Variants in MYO1D observed in about 807,000 individuals in gnomAD.
The protein encoded by MYO1D is myosin ID, also known as unconventional myosin-Id.
MYO1D carries 83 observed loss-of-function variants against 122.0 expected under a neutral mutation model. The observed-to-expected ratio is 0.68, with a 90% CI of 0.57 to 0.82. MYO1D has a LOEUF of 0.82. Among genes scored for constraint, MYO1D ranks in the 40% least tolerant of loss-of-function variants. The probability of loss-of-function intolerance (pLI) is 0.00; values close to 1 mark genes in which losing one functional copy is unlikely to be tolerated. For synonymous variants in MYO1D, 464 were observed against 446.9 expected, an observed-to-expected ratio of 1.04 and a Z score of -0.48; for missense variants, 1,157 against 1,269.5, an observed-to-expected ratio of 0.91 and a Z score of 1.35.
chr17:32,790,902 G>C (rs995723567), intron 1 of MYO1D, among the ~76,000 whole-genome samples: 1 of 152,144 alleles, frequency 6.6e-6, no homozygotes, highest in Non-Finnish European at 1.5e-5. Context: ...AAGGACTCAG[G>C]GCTCCTTGAA....
chr17:32,502,269 T>C (rs546667535), intron 21 of MYO1D, among the ~76,000 whole-genome samples: 25 of 152,200 alleles, frequency 1.6e-4, no homozygotes, highest in Admixed American at 5.9e-4. Context: ...AGATGAACCT[T>C]GAACCTTGAA....
intron 20 of MYO1D, among the ~76,000 whole-genome samples, chr17:32,609,631 A>C (rs762484205): frequency 3.9e-5 from 6 of 152,190 alleles, no homozygotes; most frequent in Non-Finnish European, 7.4e-5. Flanking sequence ...TGTTCTTTCC[A>C]TCACACCAGG....
chr17:32,853,128 G>A (rs759742249), intron 1 of MYO1D, among the ~76,000 whole-genome samples: 5 of 152,020 alleles, frequency 3.3e-5, no homozygotes, highest in South Asian at 2.1e-4. Context: ...CAGCACCATC[G>A]AAATCAAATA....
chr17:32,844,274 A>G (rs1254174447), intron 1 of MYO1D, among the ~76,000 whole-genome samples: 4 of 146,988 alleles, frequency 2.7e-5, no homozygotes, highest in Non-Finnish European at 6.0e-5. Flanking sequence ...TATATCATAT[A>G]TGATATATAT....
intron 21 of MYO1D, among the ~76,000 whole-genome samples, chr17:32,553,108 A>G (rs77412545): frequency 6.7e-6 from 1 of 148,844 alleles, no homozygotes; most frequent in Admixed American, 6.7e-5. Context: ...CAAAACAAAA[A>G]AAAAAACAAA....
At chr17:32,663,919 T>C (rs915556231) in intron 16 of MYO1D, among the ~76,000 whole-genome samples, 2 of 152,266 alleles carry the variant, frequency 1.3e-5, no homozygotes, top group African/African-American at 4.8e-5. Flanking sequence ...TTTTCTTTTT[T>C]TGGATGACAC....
chr17:32,662,834 T>C (rs763210354), intron 16 of MYO1D, among the ~76,000 whole-genome samples: 20 of 152,096 alleles, frequency 1.3e-4, no homozygotes, highest in Admixed American at 9.2e-4. Context: ...TGGTGAGTAG[T>C]CAGTGCCCAA....
rs5820002 is a variant in MYO1D at position 32,869,054 on chromosome 17, C to CA, written c.95+7723dup. ...CAAAACCCCATCTCTACTAAAAATA[C>CA]AAAAAAAAAAAAAAATTAGCTGGGA... is the stretch of plus-strand genomic sequence containing the variant. On this transcript the variant is annotated intron_variant, in intron 1 of 21. Transcript: ENST00000318217. Among the ~76,000 whole-genome samples the CA allele has an allele frequency of 4.8e-3, 678 of 140,642 alleles. 3 individuals are homozygous for CA. The highest frequency in any genetic ancestry group is 9.5e-3 in the Admixed American group (135 of 14,146). The allele number at this position is 140,642 out of a possible 152,430, so 92.3% of individuals were successfully genotyped here. A position where few individuals can be genotyped will look rare whatever the true frequency, so the allele number is the denominator to read the frequency against.
chr17:32,847,574 G>C (rs549333781), intron 1 of MYO1D, among the ~76,000 whole-genome samples: 85 of 152,296 alleles, frequency 5.6e-4, no homozygotes, highest in African/African-American at 1.9e-3. Context: ...GAGTGCAGTG[G>C]CACAATCTCA....
intron 16 of MYO1D, among the ~76,000 whole-genome samples, chr17:32,660,823 C>T (rs1056547546): frequency 6.6e-6 from 1 of 152,164 alleles, no homozygotes; most frequent in East Asian, 1.9e-4. Flanking sequence ...TACGCCTCCA[C>T]CCAAGTGCAA....
intron 19 of MYO1D, among the ~76,000 whole-genome samples, chr17:32,651,547 C>T (rs1014047364): frequency 6.6e-6 from 1 of 151,860 alleles, no homozygotes; most frequent in Non-Finnish European, 1.5e-5. Flanking sequence ...AATTGCAGGG[C>T]TCATCACCTC....
At chr17:32,800,957 G>A (rs375821546) in intron 1 of MYO1D, among the ~76,000 whole-genome samples, 2 of 151,880 alleles carry the variant, frequency 1.3e-5, no homozygotes, top group East Asian at 1.9e-4. Context: ...ACTCTGATTC[G>A]ACCAGTCCAC....
At chr17:32,791,795 G>T (rs1464554143) in intron 1 of MYO1D, among the ~76,000 whole-genome samples, 3 of 151,896 alleles carry the variant, frequency 2.0e-5, no homozygotes, top group Non-Finnish European at 2.9e-5. Flanking sequence ...TTTAGAATAG[G>T]CAAGATAGAC....
chr17:32,702,527 T>G (rs1218698232), intron 16 of MYO1D, among the ~76,000 whole-genome samples: 1 of 152,180 alleles, frequency 6.6e-6, no homozygotes, highest in Non-Finnish European at 1.5e-5. Flanking sequence ...TTTTTCTCTT[T>G]CACGTCTTTC....
At chr17:32,804,556 C>T (rs1202557430) in intron 1 of MYO1D, among the ~76,000 whole-genome samples, 1 of 152,154 alleles carries the variant, frequency 6.6e-6, no homozygotes, top group Non-Finnish European at 1.5e-5. Flanking sequence ...ACTTTCAGGA[C>T]AATTACTGTC....
At chr17:32,827,001 A>C (rs912333891) in intron 1 of MYO1D, among the ~76,000 whole-genome samples, 1 of 152,346 alleles carries the variant, frequency 6.6e-6, no homozygotes, top group Non-Finnish European at 1.5e-5. Context: ...AAATATTAAA[A>C]ATAGATTTAC....
intron 14 of MYO1D, among the ~76,000 whole-genome samples, chr17:32,721,891 A>G (rs557923338): frequency 6.6e-6 from 1 of 152,354 alleles, no homozygotes; most frequent in South Asian, 2.1e-4. Context: ...GAAGATAATG[A>G]ATAAATTATC....
chr17:32,837,291 T>TTTA (rs1006327755), intron 1 of MYO1D, among the ~76,000 whole-genome samples: 2 of 151,100 alleles, frequency 1.3e-5, no homozygotes, highest in Admixed American at 1.3e-4. Context: ...GTCTTTTTTT[T>TTTA]TCTTTTGGTA....
intron 1 of MYO1D, among the ~76,000 whole-genome samples, chr17:32,819,166 A>G (rs1472453825): frequency 6.6e-6 from 1 of 152,060 alleles, no homozygotes; most frequent in Non-Finnish European, 1.5e-5. Flanking sequence ...ATCTGAAATG[A>G]CACAGCAATA....
Sources: gnomAD v4.1 joint callset for allele counts (sites outside exome capture counted in the v4.1 genomes callset) on GRCh38, gnomAD v4.1.1 for gene constraint, MANE v1.5 for transcripts, NCBI Gene and HGNC (gene_info 2026-07-23, HGNC 2026-07-21) for gene names.